ZSCAN16: variants seen among roughly 807,000 people sequenced by gnomAD.
ZSCAN16 encodes the protein zinc finger and SCAN domain-containing protein 16.
In ZSCAN16, 15 loss-of-function variants were observed where a neutral mutation model predicts 19.4. That is an observed-to-expected ratio of 0.77 (90% CI 0.52 to 1.19). The LOEUF (loss-of-function observed/expected upper bound fraction) is 1.19, where lower values mean the gene tolerates loss of function less well. Ranked by LOEUF, ZSCAN16 falls within the 50% of genes most tolerant of loss-of-function variation. ZSCAN16 has a pLI of 0.00. For missense variants in ZSCAN16, 327 were observed against 415.7 expected (o/e 0.79, Z 1.86); for synonymous variants, 138 against 146.5 (o/e 0.94, Z 0.42).
rs777990203 is a variant in ZSCAN16 at position 28,125,480 on chromosome 6, C to CT, written c.39dup (p.Leu14SerfsTer4). 1.9e-6 allele frequency: 3 copies of CT among 1,614,100 alleles called. No individual in the cohort carries two copies. Among genetic ancestry groups the CT allele is most frequent in the Non-Finnish European group, 2.5e-6 (3 of 1,180,008 alleles). On this transcript the variant is annotated frameshift_variant, in exon 2 of 4. Transcript: ENST00000340487. LOFTEE classifies it high-confidence loss of function. The surrounding 1 kb of genome is among the most constrained non-coding windows in gnomAD (Gnocchi z 6.2). ...CCTGGAACCTGAGGACCAAAAAGGA[C>CT]TTCTGATAATTAAGGCAGAGGACCA...
chr6:28,128,962 C>A (rs1764977487), intron 3 of ZSCAN16, among the ~76,000 whole-genome samples: 1 of 152,076 alleles, frequency 6.6e-6, no homozygotes, highest in Non-Finnish European at 1.5e-5. Context: ...CTCTCAGACC[C>A]CAAATCCTAT....
Position 28,125,898 on chromosome 6 carries a change from A to G in ZSCAN16, c.387+68A>G. 2 of 1,167,054 alleles carry G rather than the reference A, an allele frequency of 1.7e-6. No homozygotes were observed. Among genetic ancestry groups the G allele is most frequent in the Non-Finnish European group, 2.4e-6 (2 of 833,674 alleles). The allele number at this position is 1,167,054 out of a possible 1,614,324, so 72.3% of individuals were successfully genotyped here. On this transcript the variant is annotated intron_variant, in intron 2 of 3. Coordinates refer to ENST00000340487, the MANE Select transcript of ZSCAN16 (RefSeq NM_025231.3). The surrounding 1 kb of genome is among the most constrained non-coding windows in gnomAD (Gnocchi z 6.2). ...TGGATGGAGCCAAAGCAAAAGGCAT[A>G]TGAAAGAACATCTGAAAATATTTAT...
chr6:28,128,670 A>G (rs1764969436), intron 3 of ZSCAN16, among the ~76,000 whole-genome samples: 1 of 152,220 alleles, frequency 6.6e-6, no homozygotes, highest in African/African-American at 2.4e-5. Flanking sequence ...AGGAGGGAAA[A>G]TCAGCAATGT....
At position 28,125,035 on chromosome 6, in the gene ZSCAN16, T is replaced by TAATGG. The variant is rs1764855803; in HGVS notation, c.-32+358_-32+359insAATGG. On this transcript the variant is annotated intron_variant, in intron 1 of 3. Coordinates refer to ENST00000340487, the MANE Select transcript of ZSCAN16 (RefSeq NM_025231.3). This position sits in a 1 kb window ranked among gnomAD's most constrained non-coding sequence, Gnocchi z 6.2. The stretch of plus-strand genomic sequence containing the variant: ...TTAATAATACTTGGCGTTTATTTAG[T>TAATGG]GCTTACTAGTGCCCGCTGCCATGCC... Among the ~76,000 whole-genome samples the TAATGG allele has an allele frequency of 6.6e-6, 1 of 152,230 alleles. No homozygotes were observed. The highest frequency in any genetic ancestry group is 2.1e-4 in the South Asian group (1 of 4,834).
intron 2 of ZSCAN16, 152 bp from the exon 3 acceptor site, chr6:28,126,631 T>C (rs1764911350): frequency 2.0e-6 from 1 of 488,770 alleles, no homozygotes; most frequent in Non-Finnish European, 3.4e-6. Flanking sequence ...GAGATTAGCC[T>C]CTGTTCCTTC....
intron 2 of ZSCAN16, 42 bp from the exon 3 acceptor site, chr6:28,126,741 A>T (rs984779376): frequency 2.2e-6 from 3 of 1,393,466 alleles, no homozygotes; most frequent in Admixed American, 2.6e-5. Context: ...GAAGTTACTT[A>T]AGTTTCCATA....
chr6:28,128,578 C>T (rs956236332), intron 3 of ZSCAN16, among the ~76,000 whole-genome samples: 1 of 151,540 alleles, frequency 6.6e-6, no homozygotes. Flanking sequence ...GGCAAAGAAA[C>T]GGTGAAAAAA....
In ZSCAN16 at chr6:28,129,973, C is replaced by A; in HGVS notation, c.*23C>A. 1.3e-6 allele frequency: 2 copies of A among 1,519,398 alleles called. No individual in the cohort carries two copies. Among genetic ancestry groups the A allele is most frequent in the South Asian group, 1.3e-5 (1 of 76,426 alleles). 94.1% of individuals were successfully genotyped at this position (1,519,398 alleles called of 1,614,324 possible). On this transcript the variant is annotated 3_prime_UTR_variant, in exon 4 of 4. Transcript: ENST00000340487. The stretch of plus-strand genomic sequence containing the variant: ...TAATATAGCAGTAATATCAAAAGTT[C>A]TTTGGACACTCAGGCCTAACTAGTT...
In ZSCAN16 at chr6:28,129,238, T is replaced by C. The variant is rs144787338; in HGVS notation, c.527-192T>C. On this transcript the variant is annotated intron_variant, in intron 3 of 3. Transcript: ENST00000340487. ...GATATCTTCCTTAATTCTTAATTTCTTCCTTACATTGTGACTCTGTGCTAT... is the reference window on the plus strand; with the variant it reads ...GATATCTTCCTTAATTCTTAATTTCCTCCTTACATTGTGACTCTGTGCTAT... 305 of 284,136 alleles carry C rather than the reference T, an allele frequency of 1.1e-3. 9 individuals carry two copies. In the South Asian group the frequency reaches 0.031, roughly 29 times the overall value. The allele number at this position is 284,136 out of a possible 1,614,324, so 17.6% of individuals were successfully genotyped here.
At position 28,130,043 on chromosome 6, in the gene ZSCAN16, C is replaced by A; in HGVS notation, c.*93C>A. 1 of 1,028,098 alleles carries A rather than the reference C, an allele frequency of 9.7e-7. No individual in the cohort carries two copies. The highest frequency in any genetic ancestry group is 1.4e-6 in the Non-Finnish European group (1 of 718,152). The allele number at this position is 1,028,098 out of a possible 1,614,324, so 63.7% of individuals were successfully genotyped here. On this transcript the variant is annotated 3_prime_UTR_variant, in exon 4 of 4. Coordinates refer to ENST00000340487, the MANE Select transcript of ZSCAN16 (RefSeq NM_025231.3). The stretch of plus-strand genomic sequence containing the variant: ...AAACCTTGAGTTTCCTCAATGTGGT[C>A]AAAGCTTCAGTCATCATTAAACTTC...
At chr6:28,129,247 T>TA (rs1764985400) in intron 3 of ZSCAN16, 183 bp from the exon 4 acceptor site, 2 of 297,282 alleles carry the variant, frequency 6.7e-6, no homozygotes, top group Non-Finnish European at 5.0e-6. Context: ...CTTCCTTACA[T>TA]TGTGACTCTG....
rs375022758 is a variant in ZSCAN16 at position 28,125,705 on chromosome 6, C to A, written c.262C>A (p.Gln88Lys). The A allele has an allele frequency of 4.0e-5, 64 of 1,614,124 alleles. No homozygotes were observed. The highest frequency in any genetic ancestry group is 5.0e-5 in the Non-Finnish European group (59 of 1,180,060). Residue 88 changes from glutamine to lysine, a missense_variant, in exon 2 of 4, where the codon CAG becomes AAG. By Grantham distance (53) the Gln-to-Lys change is moderately conservative (BLOSUM62 1). Coordinates refer to ENST00000340487, the MANE Select transcript of ZSCAN16 (RefSeq NM_025231.3). The surrounding 1 kb of genome is among the most constrained non-coding windows in gnomAD (Gnocchi z 6.2). Reference sequence around the variant, plus strand: ...GATTTTAGACCTGCTGGTGCTAGAACAGTTCCTGAGCATTCTTCCTAAAGA... The same window carrying A: ...GATTTTAGACCTGCTGGTGCTAGAAAAGTTCCTGAGCATTCTTCCTAAAGA... ...EQILDLLVLE[Q>K]FLSILPKDLQ...
intron 3 of ZSCAN16, among the ~76,000 whole-genome samples, chr6:28,128,310 C>T (rs2113712859): frequency 6.6e-6 from 1 of 152,124 alleles, no homozygotes. Flanking sequence ...TCATCTTTCA[C>T]TGAGTATTTA....
chr6:28,127,066 T>C (rs559245502), intron 3 of ZSCAN16, 145 bp downstream of exon 3: 5 of 665,984 alleles, frequency 7.5e-6, no homozygotes, highest in Middle Eastern at 4.7e-4. Context: ...CTCTTACCCT[T>C]GCTCCATGAT....
Position 28,126,887 on chromosome 6 carries a change from G to GTTC in ZSCAN16, c.492_493insTTC (p.Gln164_Leu165insPhe). ...TCCAGCTCCATCCCAAAAAGACCCAGCTGGAGCAGGAAGCTGGGAAACCAC... is the reference window on the plus strand; with the variant it reads ...TCCAGCTCCATCCCAAAAAGACCCAGTTCCTGGAGCAGGAAGCTGGGAAACCAC... On this transcript the variant is annotated inframe_insertion, in exon 3 of 4. Transcript: ENST00000340487. The GTTC allele has an allele frequency of 6.3e-7, 1 of 1,582,522 alleles. No individual in the cohort carries two copies. The highest frequency in any genetic ancestry group is 1.7e-5 in the Admixed American group (1 of 58,378).
chr6:28,127,361 T>TACTACTAACTAGTTAGGCTACTA (rs551956308), intron 3 of ZSCAN16, among the ~76,000 whole-genome samples: 9,851 of 152,180 alleles, frequency 0.065, 348 homozygotes, highest in South Asian at 0.12. Context: ...CAGGGTTAGT[T>TACTACTAACTAGTTAGGCTACTA]ACTAGTAAGG....
Position 28,129,927 on chromosome 6 carries a change from C to T in ZSCAN16, c.1024C>T (p.His342Tyr). 5 of 1,594,440 alleles carry T rather than the reference C, an allele frequency of 3.1e-6. No homozygotes were observed. Among genetic ancestry groups the T allele is most frequent in the South Asian group, 1.1e-5 (1 of 87,934 alleles). The change falls in exon 4 of 4, where the codon CAT becomes TAT. Residue 342 changes from histidine to tyrosine, a missense_variant. His to Tyr is a moderately conservative substitution (Grantham distance 83, BLOSUM62 2). Transcript: ENST00000340487. ...SSALIRHQRI[H>Y]TANKLY is the part of the protein sequence containing the mutation. ...AGCTCTTATTAGACATCAAAGAATT[C>T]ATACCGCAAATAAACTCTACTAATA... is the stretch of plus-strand genomic sequence containing the variant.
chr6:28,128,914 AC>A (rs1764976617), intron 3 of ZSCAN16, among the ~76,000 whole-genome samples: 1 of 152,042 alleles, frequency 6.6e-6, no homozygotes, highest in Non-Finnish European at 1.5e-5. Flanking sequence ...TCCTTCAAAC[AC>A]ACTCCCCTCC....
chr6:28,125,880 A>T lies in ZSCAN16; in HGVS notation c.387+50A>T. The T allele has an allele frequency of 7.1e-7, 1 of 1,405,350 alleles. No homozygotes were observed. The highest frequency in any genetic ancestry group is 9.7e-7 in the Non-Finnish European group (1 of 1,035,420). 87.1% of individuals were successfully genotyped at this position (1,405,350 alleles called of 1,614,324 possible). On this transcript the variant is annotated intron_variant, in intron 2 of 3. Transcript: ENST00000340487. The surrounding 1 kb of genome is among the most constrained non-coding windows in gnomAD (Gnocchi z 6.2). Reference sequence around the variant, plus strand: ...GTGAGTGATCAGGGGATATGGATGGAGCCAAAGCAAAAGGCATATGAAAGA... The same window carrying T: ...GTGAGTGATCAGGGGATATGGATGGTGCCAAAGCAAAAGGCATATGAAAGA...
Sources: allele counts gnomAD v4.1 joint callset (sites outside exome capture counted in the v4.1 genomes callset), GRCh38; gene constraint gnomAD v4.1.1; non-coding constraint Gnocchi (gnomAD v3.1); transcripts MANE v1.5; gene names NCBI Gene and HGNC (gene_info 2026-07-23, HGNC 2026-07-21).